The following GRK5 variants were observed in gnomAD, a reference collection of about 807,000 sequenced individuals.
The protein encoded by GRK5 is g protein-coupled receptor kinase GRK5.
Under a neutral mutation model 78.4 loss-of-function variants are expected in GRK5, and 40 were observed. The ratio of observed to expected loss-of-function variants is 0.51; its 90% CI spans 0.40 to 0.66. The LOEUF is 0.66. GRK5 is among the 30% of genes least tolerant of loss of function. The pLI, the probability that GRK5 is intolerant of heterozygous loss-of-function variation, is 0.00. For synonymous variants in GRK5, 289 were observed against 296.8 expected, an observed-to-expected ratio of 0.97 and a Z score of 0.27; for missense variants, 598 against 759.9, an observed-to-expected ratio of 0.79 and a Z score of 2.50.
chr10:119,225,148 G>A (rs529774646), intron 1 of GRK5, among the ~76,000 whole-genome samples: 2 of 152,252 alleles, frequency 1.3e-5, no homozygotes, highest in East Asian at 3.9e-4. Context: ...ACTGATTCTC[G>A]CAATCCAAGA....
intron 2 of GRK5, among the ~76,000 whole-genome samples, chr10:119,360,418 G>C (rs1411406256): frequency 6.6e-6 from 1 of 152,204 alleles, no homozygotes; most frequent in Admixed American, 6.5e-5. Flanking sequence ...CAGCCCTTGT[G>C]AGTGGGAAGA....
intron 4 of GRK5, among the ~76,000 whole-genome samples, chr10:119,398,134 G>A (rs973184920): frequency 6.6e-6 from 1 of 152,214 alleles, no homozygotes; most frequent in Non-Finnish European, 1.5e-5. Flanking sequence ...GTTGCTGTCT[G>A]TGAGGTTCTC....
intron 9 of GRK5, among the ~76,000 whole-genome samples, chr10:119,437,961 G>A (rs983889204): frequency 2.0e-5 from 3 of 152,200 alleles, no homozygotes; most frequent in East Asian, 1.9e-4. Flanking sequence ...AGCCGGATGC[G>A]GTGGCACGCG....
At chr10:119,433,416 C>CT (rs1422909200) in intron 8 of GRK5, among the ~76,000 whole-genome samples, 12 of 152,164 alleles carry the variant, frequency 7.9e-5, no homozygotes, top group African/African-American at 1.4e-4. Context: ...GGTGGCACGT[C>CT]TTTAAGGGCC....
At position 119,443,743 on chromosome 10, in the gene GRK5, C is replaced by T. The variant is rs1172033397; in HGVS notation, c.1257C>T (p.Ile419=). The T allele has an allele frequency of 6.3e-7, 1 of 1,599,016 alleles. No individual in the cohort carries two copies. The highest frequency in any genetic ancestry group is 8.6e-7 in the Non-Finnish European group (1 of 1,169,128). Reference sequence around the variant, plus strand: ...AGTTCTCCGAGGAGGCCAAGTCCATCTGCAAGATGGTGAGCTCCTGGTGGC... The same window carrying T: ...AGTTCTCCGAGGAGGCCAAGTCCATTTGCAAGATGGTGAGCTCCTGGTGGC... ...SHKFSEEAKS[I]CKMLLTKDAK... is the part of the protein sequence containing the mutation. Residue 419 remains isoleucine, a synonymous_variant, in exon 12 of 16, where the codon ATC becomes ATT. Transcript: ENST00000392870.
intron 2 of GRK5, among the ~76,000 whole-genome samples, chr10:119,332,601 C>A (rs894578904): frequency 6.6e-6 from 1 of 152,190 alleles, no homozygotes; most frequent in Admixed American, 6.5e-5. Context: ...AGAAAGATGA[C>A]ATTTTTCTCC....
At chr10:119,449,050 G>GT (rs151084983) in intron 13 of GRK5, among the ~76,000 whole-genome samples, 14,366 of 152,292 alleles carry the variant, frequency 0.094, 934 homozygotes, top group East Asian at 0.31. Context: ...CTTGCTGGCA[G>GT]GGGGACTGGG....
At chr10:119,436,201 G>A (rs1852915458) in intron 8 of GRK5, among the ~76,000 whole-genome samples, 1 of 152,224 alleles carries the variant, frequency 6.6e-6, no homozygotes, top group African/African-American at 2.4e-5. Flanking sequence ...ACCAGGCCAT[G>A]TTCCACTTCC....
intron 2 of GRK5, among the ~76,000 whole-genome samples, chr10:119,375,751 C>T (rs560143677): frequency 5.9e-5 from 9 of 152,140 alleles, no homozygotes; most frequent in South Asian, 2.1e-4. Flanking sequence ...GTGGGCATGC[C>T]GGGGAGGTGG....
intron 1 of GRK5, among the ~76,000 whole-genome samples, chr10:119,237,062 C>CTTTTT (rs11393484): frequency 3.4e-5 from 4 of 119,150 alleles, no homozygotes; most frequent in Non-Finnish European, 4.9e-5. Context: ...TTTGCCTTAC[C>CTTTTT]TTTTTTTTTT....
intron 1 of GRK5, among the ~76,000 whole-genome samples, chr10:119,286,876 ACT>A (rs1372409671): frequency 2.0e-5 from 3 of 150,662 alleles, no homozygotes; most frequent in African/African-American, 2.4e-5. Context: ...TTCTGGTAAA[ACT>A]CTTTTTCTTG....
intron 2 of GRK5, among the ~76,000 whole-genome samples, chr10:119,355,483 A>G (rs1320010560): frequency 2.6e-5 from 4 of 152,260 alleles, no homozygotes; most frequent in African/African-American, 9.6e-5. Flanking sequence ...TATAACCCAC[A>G]TAAATAAAAG....
intron 1 of GRK5, among the ~76,000 whole-genome samples, chr10:119,218,991 G>A (rs1022207392): frequency 1.2e-4 from 18 of 147,612 alleles, no homozygotes; most frequent in African/African-American, 4.0e-4. Context: ...TCCGCTTCCC[G>A]GGTTCAAGCG....
chr10:119,218,654 T>G (rs1210310614), intron 1 of GRK5, among the ~76,000 whole-genome samples: 1 of 151,706 alleles, frequency 6.6e-6, no homozygotes, highest in African/African-American at 2.4e-5. Flanking sequence ...AGGGGTGGAG[T>G]AAGGACAAAG....
At chr10:119,393,693 C>G (rs1195604937) in intron 3 of GRK5, among the ~76,000 whole-genome samples, 1 of 152,192 alleles carries the variant, frequency 6.6e-6, no homozygotes, top group African/African-American at 2.4e-5. Context: ...GTGCTCAGCC[C>G]CTTTGGAGAC....
chr10:119,251,978 T>G (rs1187819001), intron 1 of GRK5, among the ~76,000 whole-genome samples: 1 of 152,198 alleles, frequency 6.6e-6, no homozygotes, highest in Non-Finnish European at 1.5e-5. Context: ...ATTTTCTTCT[T>G]TTCATCCCAC....
At chr10:119,221,922 G>A (rs1184002898) in intron 1 of GRK5, among the ~76,000 whole-genome samples, 2 of 152,160 alleles carry the variant, frequency 1.3e-5, no homozygotes, top group Non-Finnish European at 2.9e-5. Flanking sequence ...GGGAAATTAA[G>A]GTTGAGTTCA....
chr10:119,417,181 T>A (rs4751718), intron 4 of GRK5, among the ~76,000 whole-genome samples: 29,244 of 152,076 alleles, frequency 0.19, 3,087 homozygotes, highest in African/African-American at 0.26. Flanking sequence ...CCACTGAGGG[T>A]GGGTGTCTGA....
rs1848964515 is a variant in GRK5, at chr10:119,238,192, C to T, written c.52+30223C>T. ...GTGCCCCTCACAGTAGATGGGGTGA[C>T]AGACAGTTCTGCCCTCTGCTGTGCT... On this transcript the variant is annotated intron_variant, in intron 1 of 15. Coordinates refer to ENST00000392870, the MANE Select transcript of GRK5 (RefSeq NM_005308.3). The surrounding 1 kb of genome is among the most constrained non-coding windows in gnomAD (Gnocchi z 4.7). 6.6e-6 allele frequency among the ~76,000 whole-genome samples: 1 copy of T among 152,040 alleles called. No homozygotes were observed. Among genetic ancestry groups the T allele is most frequent in the Non-Finnish European group, 1.5e-5 (1 of 68,024 alleles).
Sources: gnomAD v4.1 joint callset for allele counts (sites outside exome capture counted in the v4.1 genomes callset) on GRCh38, gnomAD v4.1.1 for gene constraint, Gnocchi (gnomAD v3.1) non-coding constraint, MANE v1.5 for transcripts, NCBI Gene and HGNC (gene_info 2026-07-23, HGNC 2026-07-21) for gene names.